BMP6: variants seen among roughly 807,000 people sequenced by gnomAD.
BMP6 encodes VG-1-R.
In BMP6, 17 loss-of-function variants were observed where a neutral mutation model predicts 54.1. That is an observed-to-expected ratio of 0.31 (90% confidence interval 0.22 to 0.47). The LOEUF (loss-of-function observed/expected upper bound fraction) is 0.47. BMP6 is among the 20% of genes least tolerant of loss of function. BMP6 has a pLI of 1.00. For missense variants in BMP6, 720 were observed against 690.4 expected, an observed-to-expected ratio of 1.04 and a Z score of -0.48; for synonymous variants, 328 against 291.2, an observed-to-expected ratio of 1.13 and a Z score of -1.28.
chr6:7,760,576 C>G (rs1757597566), intron 1 of BMP6, among the ~76,000 whole-genome samples: 1 of 152,038 alleles, frequency 6.6e-6, no homozygotes, highest in Non-Finnish European at 1.5e-5. Context: ...CAGCAATTCT[C>G]CCTGCCTCAG....
chr6:7,771,879 C>A (rs901837943), intron 1 of BMP6, among the ~76,000 whole-genome samples: 14 of 151,856 alleles, frequency 9.2e-5, no homozygotes. Flanking sequence ...ATGGTGAAAC[C>A]CTGTCTCTAC....
chr6:7,769,134 A>G (rs1158668871), intron 1 of BMP6, among the ~76,000 whole-genome samples: 1 of 152,244 alleles, frequency 6.6e-6, no homozygotes, highest in Non-Finnish European at 1.5e-5. Context: ...CCAAAGCAAA[A>G]AAGTTTTGCA....
chr6:7,850,223 A>G (rs907235192), intron 2 of BMP6, among the ~76,000 whole-genome samples: 27 of 152,006 alleles, frequency 1.8e-4, no homozygotes, highest in Non-Finnish European at 2.1e-4. Context: ...GCTCACTGCA[A>G]GCTCCACCTC....
At chr6:7,766,932 G>A (rs1182992362) in intron 1 of BMP6, among the ~76,000 whole-genome samples, 1 of 150,870 alleles carries the variant, frequency 6.6e-6, no homozygotes, top group Admixed American at 6.6e-5. Context: ...ATATGGAATA[G>A]TATAATTTTT....
At chr6:7,734,626 A>G (rs1005796357) in intron 1 of BMP6, among the ~76,000 whole-genome samples, 4 of 152,182 alleles carry the variant, frequency 2.6e-5, no homozygotes, top group Non-Finnish European at 5.9e-5. Context: ...TGTCCAAAGG[A>G]CTGTTGACTC....
At chr6:7,798,438 T>C (rs997883397) in intron 1 of BMP6, among the ~76,000 whole-genome samples, 3 of 152,216 alleles carry the variant, frequency 2.0e-5, no homozygotes, top group Admixed American at 6.5e-5. Flanking sequence ...TGGCTCTGGG[T>C]GACCACCCTT....
At chr6:7,813,665 AAAAAC>A (rs1420177290) in intron 1 of BMP6, among the ~76,000 whole-genome samples, 3,191 of 139,780 alleles carry the variant, frequency 0.023, 857 homozygotes, top group South Asian at 0.044. Flanking sequence ...AAAAAAAAAA[AAAAAC>A]CCACCAAACC....
intron 1 of BMP6, among the ~76,000 whole-genome samples, chr6:7,731,139 A>G (rs1343352679): frequency 6.6e-6 from 1 of 152,194 alleles, no homozygotes; most frequent in African/African-American, 2.4e-5. Flanking sequence ...GTCACCTTCT[A>G]AATGCTAACC....
chr6:7,749,043 A>T (rs183919317), intron 1 of BMP6, among the ~76,000 whole-genome samples: 6 of 152,216 alleles, frequency 3.9e-5, no homozygotes, highest in Non-Finnish European at 8.8e-5. Flanking sequence ...CTAGTATTCT[A>T]CCCTTCAGGA....
intron 1 of BMP6, among the ~76,000 whole-genome samples, chr6:7,788,197 A>G (rs1440313642): frequency 1.3e-5 from 2 of 152,216 alleles, no homozygotes; most frequent in African/African-American, 4.8e-5. Flanking sequence ...TCAGGGGCTC[A>G]ATTACCTTTA....
In BMP6 at chr6:7,880,978, C is replaced by G. The variant is rs1484565442; in HGVS notation, c.*635C>G. 10 of 154,226 alleles carry G rather than the reference C, an allele frequency of 6.5e-5. No individual in the cohort carries two copies. Among genetic ancestry groups the G allele is most frequent in the Admixed American group, 6.3e-4 (10 of 15,770 alleles). The allele number at this position is 154,226 out of a possible 1,614,324, so 9.6% of individuals were successfully genotyped here. On this transcript the variant is annotated 3_prime_UTR_variant, in exon 7 of 7. Coordinates refer to ENST00000283147, the MANE Select transcript of BMP6 (RefSeq NM_001718.6). ...GCCAAAACATACCATTTCTACACCT[C>G]AATCCTCCATTTGCTGTACTCTTTG...
intron 1 of BMP6, among the ~76,000 whole-genome samples, chr6:7,795,487 CAG>C (rs1758178306): frequency 6.6e-6 from 1 of 152,126 alleles, no homozygotes; most frequent in South Asian, 2.1e-4. Flanking sequence ...TGTGGCTGGA[CAG>C]AGAGGCAAGG....
intron 1 of BMP6, among the ~76,000 whole-genome samples, chr6:7,844,328 C>T (rs1330341561): frequency 1.4e-5 from 2 of 145,162 alleles, no homozygotes; most frequent in Non-Finnish European, 3.0e-5. Context: ...CTTTTAGATT[C>T]TATCCTTTCC....
chr6:7,858,055 G>C (rs538159842), intron 2 of BMP6, among the ~76,000 whole-genome samples: 5 of 152,212 alleles, frequency 3.3e-5, no homozygotes, highest in African/African-American at 1.2e-4. Context: ...ATACCTACCT[G>C]ACCCTGATGG....
chr6:7,812,833 C>T (rs1205620980), intron 1 of BMP6, among the ~76,000 whole-genome samples: 1 of 151,464 alleles, frequency 6.6e-6, no homozygotes, highest in East Asian at 2.0e-4. Context: ...TGACCTCACC[C>T]ACATGATTGA....
chr6:7,864,403 C>G (rs1759384727), intron 4 of BMP6, among the ~76,000 whole-genome samples: 1 of 152,096 alleles, frequency 6.6e-6, no homozygotes, highest in African/African-American at 2.4e-5. Flanking sequence ...CAAAATCTGG[C>G]TCATAATAGC....
chr6:7,759,538 C>G (rs1757575837), intron 1 of BMP6, among the ~76,000 whole-genome samples: 1 of 151,988 alleles, frequency 6.6e-6, no homozygotes, highest in Non-Finnish European at 1.5e-5. Flanking sequence ...AACACATGCT[C>G]TTTAAGGCCC....
chr6:7,847,402 G>A (rs918113666), intron 2 of BMP6, among the ~76,000 whole-genome samples: 1 of 152,140 alleles, frequency 6.6e-6, no homozygotes, highest in African/African-American at 2.4e-5. Flanking sequence ...GCCTCCTAGC[G>A]TTCTTCCAGA....
chr6:7,855,898 T>TA (rs768155271), intron 2 of BMP6, among the ~76,000 whole-genome samples: 10 of 152,052 alleles, frequency 6.6e-5, no homozygotes, highest in Admixed American at 2.0e-4. Flanking sequence ...ATTTACCTCT[T>TA]ACGGTTGTTG....
Sources: gnomAD v4.1 joint callset for allele counts (sites outside exome capture counted in the v4.1 genomes callset) on GRCh38, gnomAD v4.1.1 for gene constraint, MANE v1.5 for transcripts, NCBI Gene and HGNC (gene_info 2026-07-23, HGNC 2026-07-21) for gene names.